Variants in COPA observed in about 807,000 individuals in gnomAD.
The protein encoded by COPA is coatomer subunit alpha.
A neutral mutation model predicts 158.7 loss-of-function variants in COPA; 10 were observed. The ratio of observed to expected loss-of-function variants is 0.06; its 90% CI spans 0.04 to 0.11. The LOEUF is 0.11. Ranked by LOEUF, COPA falls within the 10% of genes least tolerant of loss-of-function variation. The probability of loss-of-function intolerance (pLI) is 1.00; values close to 1 mark genes in which losing one functional copy is unlikely to be tolerated. For synonymous variants in COPA, 462 were observed against 542.8 expected (o/e 0.85, Z 2.07); for missense variants, 1,065 against 1,536.7 (o/e 0.69, Z 5.13).
chr1:160,340,052 C>T lies in COPA; in HGVS notation c.155-70G>A. 9 of 1,561,574 alleles carry T rather than the reference C, an allele frequency of 5.8e-6. No individual in the cohort carries two copies. The South Asian group carries it at 8.9e-5, about 15-fold the overall frequency. On this transcript the variant is annotated intron_variant, in intron 2 of 32. Coordinates refer to ENST00000241704, the MANE Select transcript of COPA (RefSeq NM_004371.4). ...TCTAATCTCTAAGGTGATTCCTATTCAGGATTTTTCAGTTCTATCATTTCC... is the reference window on the plus strand; with the variant it reads ...TCTAATCTCTAAGGTGATTCCTATTTAGGATTTTTCAGTTCTATCATTTCC...
At chr1:160,297,491 T>G (rs1338042100) in intron 20 of COPA, 53 bp from the exon 21 acceptor site, 19 of 1,612,838 alleles carry the variant, frequency 1.2e-5, no homozygotes, top group Non-Finnish European at 1.5e-5. Context: ...GTTCTCTTTC[T>G]CCTTAATTCA....
chr1:160,334,103 T>A (rs1294102978), intron 4 of COPA, among the ~76,000 whole-genome samples: 1 of 152,188 alleles, frequency 6.6e-6, no homozygotes, highest in Non-Finnish European at 1.5e-5. Context: ...TTCAAAAAAT[T>A]CCCAGGTCTC....
chr1:160,335,883 C>CAAAAAAAA (rs10562824), intron 3 of COPA, among the ~76,000 whole-genome samples: 2 of 68,012 alleles, frequency 2.9e-5, no homozygotes, highest in Non-Finnish European at 5.4e-5. Flanking sequence ...GACTCAGTCT[C>CAAAAAAAA]AAAAAAAAAA....
intron 1 of COPA, among the ~76,000 whole-genome samples, chr1:160,341,843 A>T (rs1648079647): frequency 6.6e-6 from 1 of 152,092 alleles, no homozygotes. Flanking sequence ...ATATAAGTAC[A>T]CTCAACAATG....
rs547914087 is a variant in COPA, at chr1:160,304,180, A to AT, written c.1667+1252dup. ...CAGGCACCACCACCACACCCAGCTA[A>AT]TTTTTTTTTATTTTTAGGAGAGAGG... On this transcript the variant is annotated intron_variant, in intron 17 of 32. Coordinates refer to ENST00000241704, the MANE Select transcript of COPA (RefSeq NM_004371.4). 4.7e-4 allele frequency among the ~76,000 whole-genome samples: 71 copies of AT among 149,718 alleles called. 1 individual carries two copies. The East Asian group carries it at 0.012, about 25-fold the overall frequency.
intron 8 of COPA, among the ~76,000 whole-genome samples, chr1:160,315,037 C>T (rs1659088686): frequency 6.6e-6 from 1 of 152,172 alleles, no homozygotes; most frequent in Non-Finnish European, 1.5e-5. Flanking sequence ...AACAAATATA[C>T]AGTGCTGAGA....
At chr1:160,341,546 G>A (rs1318716005) in intron 1 of COPA, among the ~76,000 whole-genome samples, 3 of 152,240 alleles carry the variant, frequency 2.0e-5, no homozygotes, top group Admixed American at 2.0e-4. Context: ...TAGAATATGT[G>A]CACTTAACAT....
chr1:160,316,605 C>G (rs1229479714), intron 8 of COPA, among the ~76,000 whole-genome samples: 1 of 151,374 alleles, frequency 6.6e-6, no homozygotes, highest in African/African-American at 2.4e-5. Flanking sequence ...ACAAAATTAG[C>G]CGGGTGTGGT....
At chr1:160,339,007 T>C (rs547715848) in intron 3 of COPA, among the ~76,000 whole-genome samples, 2 of 149,560 alleles carry the variant, frequency 1.3e-5, no homozygotes, top group African/African-American at 5.1e-5. Flanking sequence ...TCATTATCCA[T>C]TCTCTTCCAC....
Position 160,335,333 on chromosome 1 carries a change from A to C in COPA, c.229-11T>G. 1 of 1,604,480 alleles carries C rather than the reference A, an allele frequency of 6.2e-7. No homozygotes were observed. The highest frequency in any genetic ancestry group is 1.3e-5 in the African/African-American group (1 of 74,618). On this transcript the variant is annotated splice_polypyrimidine_tract_variant and intron_variant, in intron 3 of 32. Coordinates refer to ENST00000241704, the MANE Select transcript of COPA (RefSeq NM_004371.4). The stretch of plus-strand genomic sequence containing the variant: ...CTTGTAATTCCAAACCTGCAAAGAC[A>C]AATCAAACTAAGAAACAGAAATAGT...
At chr1:160,332,864 C>T (rs1647593554) in intron 5 of COPA, among the ~76,000 whole-genome samples, 1 of 152,144 alleles carries the variant, frequency 6.6e-6, no homozygotes. Context: ...GTAATCCATA[C>T]TGTAAATTAT....
intron 17 of COPA, 121 bp from the exon 18 acceptor site, chr1:160,299,385 A>T (rs1171215296): frequency 4.1e-6 from 4 of 973,802 alleles, no homozygotes; most frequent in Non-Finnish European, 6.0e-6. Flanking sequence ...ATAGATGGGA[A>T]GTGATTCAAA....
chr1:160,341,158 T>C (rs1468419995), intron 1 of COPA, among the ~76,000 whole-genome samples: 1 of 152,232 alleles, frequency 6.6e-6, no homozygotes, highest in Non-Finnish European at 1.5e-5. Context: ...CTTGTTATTC[T>C]ATCATGACTG....
intron 17 of COPA, among the ~76,000 whole-genome samples, chr1:160,302,016 T>C (rs1198008679): frequency 6.6e-6 from 1 of 152,130 alleles, no homozygotes; most frequent in Non-Finnish European, 1.5e-5. Flanking sequence ...ATCATGTTAA[T>C]TCCACATTGC....
chr1:160,334,346 C>A (rs1315590520), intron 4 of COPA, among the ~76,000 whole-genome samples: 1 of 152,118 alleles, frequency 6.6e-6, no homozygotes, highest in African/African-American at 2.4e-5. Flanking sequence ...ATTTAGTGAG[C>A]TGGTAAAATG....
chr1:160,310,880 G>A (rs964648730), intron 11 of COPA, among the ~76,000 whole-genome samples: 34 of 152,142 alleles, frequency 2.2e-4, no homozygotes, highest in African/African-American at 7.5e-4. Context: ...GAGAGTTAAA[G>A]AAAAGAAATG....
Position 160,291,942 on chromosome 1 carries a change from C to T in COPA, c.3148-13G>A. On this transcript the variant is annotated splice_polypyrimidine_tract_variant and intron_variant, in intron 29 of 32. Coordinates refer to ENST00000241704, the MANE Select transcript of COPA (RefSeq NM_004371.4). Reference sequence around the variant, plus strand: ...TGAGCTGCTGGGCCTGTAGAGGGGGCAGAAGGTCAGGATACAGAGACAAGA... The same window carrying T: ...TGAGCTGCTGGGCCTGTAGAGGGGGTAGAAGGTCAGGATACAGAGACAAGA... 6.2e-7 allele frequency: 1 copy of T among 1,614,090 alleles called. No individual in the cohort carries two copies. Among genetic ancestry groups the T allele is most frequent in the Non-Finnish European group, 8.5e-7 (1 of 1,180,004 alleles).
At position 160,289,391 on chromosome 1, in the gene COPA, T is replaced by G. The variant is rs528643210; in HGVS notation, c.*766A>C. The G allele has an allele frequency of 6.6e-6, 1 of 152,180 alleles. No homozygotes were observed. The highest frequency in any genetic ancestry group is 2.1e-4 in the South Asian group (1 of 4,828). The allele number at this position is 152,180 out of a possible 1,614,324, so 9.4% of individuals were successfully genotyped here. A position where few individuals can be genotyped will look rare whatever the true frequency, so the allele number is the denominator to read the frequency against. On this transcript the variant is annotated 3_prime_UTR_variant, in exon 33 of 33. Coordinates refer to ENST00000241704, the MANE Select transcript of COPA (RefSeq NM_004371.4). ...AAACCAAATAACTTCTTCAAATTTC[T>G]GAGTACACAGAGGGTACCTGCCTTG...
chr1:160,331,834 G>C (rs58990568), intron 6 of COPA, among the ~76,000 whole-genome samples: 1 of 151,826 alleles, frequency 6.6e-6, no homozygotes, highest in East Asian at 1.9e-4. Context: ...TGTAGTCCCA[G>C]CTACTCAGGA....
Sources: gnomAD v4.1 joint callset for allele counts (sites outside exome capture counted in the v4.1 genomes callset) on GRCh38, gnomAD v4.1.1 for gene constraint, MANE v1.5 for transcripts, NCBI Gene and HGNC (gene_info 2026-07-23, HGNC 2026-07-21) for gene names.